The following ABLIM3 variants were observed in gnomAD, a reference collection of about 807,000 sequenced individuals.
ABLIM3 encodes the protein actin-binding LIM protein 3.
ABLIM3 carries 61 observed loss-of-function variants against 109.5 expected under a neutral mutation model. The observed-to-expected ratio is 0.56, with a 90% CI of 0.45 to 0.69. The LOEUF is 0.69. Ranked by LOEUF, ABLIM3 falls within the 30% of genes least tolerant of loss-of-function variation. The pLI is 0.00. For synonymous variants in ABLIM3, 300 were observed against 324.8 expected (o/e 0.92, Z 0.82); for missense variants, 796 against 889.5 (o/e 0.89, Z 1.34).
intron 15 of ABLIM3, 43 bp downstream of exon 15, chr5:149,242,581 G>C: frequency 6.2e-7 from 1 of 1,608,876 alleles, no homozygotes; most frequent in Non-Finnish European, 8.5e-7. Context: ...CAAGGAGAGG[G>C]GGGAGGTTAA....
chr5:149,198,413 G>T lies in ABLIM3; in HGVS notation c.335+11G>T. 4.4e-6 allele frequency: 7 copies of T among 1,599,346 alleles called. No homozygotes were observed. The highest frequency in any genetic ancestry group is 2.3e-5 in the South Asian group (2 of 87,628). On this transcript the variant is annotated intron_variant, in intron 4 of 23. Transcript: ENST00000309868. The surrounding 1 kb of genome is among the most constrained non-coding windows in gnomAD (Gnocchi z 4.2). ...GTGCAGCTTGTGCAGGTGAGTGGGCGACCAGCAGGGCCTGGGACCCTCTGC... is the reference window on the plus strand; with the variant it reads ...GTGCAGCTTGTGCAGGTGAGTGGGCTACCAGCAGGGCCTGGGACCCTCTGC...
rs148595706 is a variant in ABLIM3 at position 149,197,957 on chromosome 5, C to T, written c.152-262C>T. ...GGGCATCTGGATTATAAGAAGCTCT[C>T]GGGGTGATACTGATGCTAGTGGCCT... On this transcript the variant is annotated intron_variant, in intron 3 of 23. Transcript: ENST00000309868. 3.5e-4 allele frequency among the ~76,000 whole-genome samples: 54 copies of T among 152,278 alleles called. No individual in the cohort carries two copies. In the East Asian group the frequency reaches 9.5e-3, roughly 27 times the overall value.
chr5:149,149,769 G>T (rs1019617066), intron 2 of ABLIM3, among the ~76,000 whole-genome samples: 1 of 152,176 alleles, frequency 6.6e-6, no homozygotes, highest in Non-Finnish European at 1.5e-5. Context: ...AGTTTGAGAG[G>T]AGTTAAATGG....
chr5:149,210,391 A>G (rs1759422241), intron 6 of ABLIM3, among the ~76,000 whole-genome samples: 1 of 152,180 alleles, frequency 6.6e-6, no homozygotes, highest in South Asian at 2.1e-4. Context: ...AACACCATCA[A>G]AGAGCCCGGC....
At chr5:149,194,600 A>C (rs1443680279) in intron 3 of ABLIM3, among the ~76,000 whole-genome samples, 1 of 152,244 alleles carries the variant, frequency 6.6e-6, no homozygotes, top group Admixed American at 6.5e-5. Flanking sequence ...ACAGCAGTGA[A>C]AATGAGTGAA....
chr5:149,254,078 T>C (rs1469251490), intron 23 of ABLIM3, among the ~76,000 whole-genome samples: 3 of 152,086 alleles, frequency 2.0e-5, no homozygotes, highest in Admixed American at 6.6e-5. Flanking sequence ...GAACAGTATA[T>C]GGGAAACTGC....
chr5:149,250,380 G>T lies in ABLIM3; in HGVS notation c.1730-67G>T. 3 of 1,543,872 alleles carry T rather than the reference G, an allele frequency of 1.9e-6. No individual in the cohort carries two copies. In the African/African-American group the frequency reaches 4.1e-5, roughly 21 times the overall value. ...GAGCAGTGTTGGCCATTGGTAGCCAGATGACCTCAGGGAGAGGGACTCATG... is the reference window on the plus strand; with the variant it reads ...GAGCAGTGTTGGCCATTGGTAGCCATATGACCTCAGGGAGAGGGACTCATG... On this transcript the variant is annotated intron_variant, in intron 19 of 23. Coordinates refer to ENST00000309868, the MANE Select transcript of ABLIM3 (RefSeq NM_014945.5).
chr5:149,253,461 G>A (rs1754133908), intron 23 of ABLIM3, among the ~76,000 whole-genome samples: 2 of 152,202 alleles, frequency 1.3e-5, no homozygotes, highest in Admixed American at 1.3e-4. Context: ...ATGCTGCCAA[G>A]AGAAGTGAGT....
intron 17 of ABLIM3, 54 bp downstream of exon 17, chr5:149,246,600 G>A (rs1174678566): frequency 2.6e-6 from 4 of 1,555,264 alleles, no homozygotes; most frequent in African/African-American, 1.4e-5. Context: ...ATCACTGAGG[G>A]TCTTTTCATT....
chr5:149,190,525 CA>C (rs1444855778), intron 3 of ABLIM3, among the ~76,000 whole-genome samples: 2 of 151,832 alleles, frequency 1.3e-5, no homozygotes, highest in Non-Finnish European at 2.9e-5. Context: ...ACAAAAAATA[CA>C]AAAATTAGCC....
chr5:149,191,304 G>T (rs955103436), intron 3 of ABLIM3, among the ~76,000 whole-genome samples: 1 of 152,106 alleles, frequency 6.6e-6, no homozygotes, highest in African/African-American at 2.4e-5. Flanking sequence ...TAAACAATTT[G>T]AGTAATAAAT....
In ABLIM3 at chr5:149,178,061, G is replaced by T. The variant is rs578058638; in HGVS notation, c.14-5391G>T. Among the ~76,000 whole-genome samples the T allele has an allele frequency of 2.1e-4, 32 of 152,196 alleles. 1 individual carries two copies. The South Asian group carries it at 4.2e-3, about 20-fold the overall frequency. On this transcript the variant is annotated intron_variant, in intron 2 of 23. Coordinates refer to ENST00000309868, the MANE Select transcript of ABLIM3 (RefSeq NM_014945.5). ...TGTCGTGTGCTTCCCACCCCTTTCA[G>T]TGCAACGATCCCATGACTCTGTGGC...
chr5:149,243,056 G>A (rs1239103394), intron 15 of ABLIM3, among the ~76,000 whole-genome samples: 1 of 152,182 alleles, frequency 6.6e-6, no homozygotes, highest in Non-Finnish European at 1.5e-5. Flanking sequence ...GACTTGCAGA[G>A]GAGATGTAGA....
intron 8 of ABLIM3, 183 bp downstream of exon 8, chr5:149,217,229 A>G (rs1008906703): frequency 3.2e-6 from 2 of 627,500 alleles, no homozygotes; most frequent in Non-Finnish European, 5.8e-6. Context: ...CGGTGTGGCT[A>G]ATATGAAGTG....
chr5:149,147,421 T>C (rs1389483046), intron 2 of ABLIM3, among the ~76,000 whole-genome samples: 2 of 152,210 alleles, frequency 1.3e-5, no homozygotes, highest in Admixed American at 6.5e-5. Context: ...CCCTACTTGA[T>C]ATGGTGAATT....
intron 2 of ABLIM3, among the ~76,000 whole-genome samples, chr5:149,178,710 TAA>T (rs1047453987): frequency 1.3e-5 from 2 of 152,218 alleles, no homozygotes; most frequent in African/African-American, 4.8e-5. Context: ...TCGCTGTTTT[TAA>T]AAGAGACTGA....
chr5:149,222,577 C>T (rs1214119153), intron 8 of ABLIM3, among the ~76,000 whole-genome samples: 4 of 151,922 alleles, frequency 2.6e-5, no homozygotes, highest in East Asian at 1.9e-4. Flanking sequence ...AACACAAATC[C>T]GAAACGGAGT....
At chr5:149,170,480 C>T (rs1234006869) in intron 2 of ABLIM3, among the ~76,000 whole-genome samples, 2 of 152,114 alleles carry the variant, frequency 1.3e-5, no homozygotes, top group Non-Finnish European at 2.9e-5. Context: ...AACCACTACT[C>T]GCCCACCTCA....
rs116307886 is a variant in ABLIM3 at position 149,201,547 on chromosome 5, G to A, written c.448+1119G>A. Among the ~76,000 whole-genome samples the A allele has an allele frequency of 2.9e-3, 435 of 152,232 alleles. 3 individuals carry two copies. Among genetic ancestry groups the A allele is most frequent in the African/African-American group, 9.8e-3 (408 of 41,546 alleles). ...AGCTGAGGAGAAAGACAGTGGGAAG[G>A]CTCCCTCCCTTGCCTGCTCTTCCTT... On this transcript the variant is annotated intron_variant, in intron 5 of 23. Transcript: ENST00000309868.
Sources: allele counts gnomAD v4.1 joint callset (sites outside exome capture counted in the v4.1 genomes callset), GRCh38; gene constraint gnomAD v4.1.1; non-coding constraint Gnocchi (gnomAD v3.1); transcripts MANE v1.5; gene names NCBI Gene and HGNC (gene_info 2026-07-23, HGNC 2026-07-21).